The following CELSR1 variants were observed in gnomAD, a reference collection of about 807,000 sequenced individuals.
CELSR1 encodes adhesion G protein-coupled receptor C1.
Under a neutral mutation model 249.1 loss-of-function variants are expected in CELSR1, and 110 were observed. That is an observed-to-expected ratio of 0.44 (90% CI 0.38 to 0.52). The LOEUF (loss-of-function observed/expected upper bound fraction) is 0.52, where lower values mean the gene tolerates loss of function less well. Among genes scored for constraint, CELSR1 ranks in the 20% least tolerant of loss-of-function variants. The pLI is 0.00. For synonymous variants in CELSR1, 2,113 were observed against 1,900.0 expected (o/e 1.11, Z -2.92); for missense variants, 4,109 against 4,296.4 (o/e 0.96, Z 1.22).
At chr22:46,369,902 G>T in intron 25 of CELSR1, 98 bp from the exon 26 acceptor site, 1 of 982,012 alleles carries the variant, frequency 1.0e-6, no homozygotes, top group Non-Finnish European at 1.6e-6. Context: ...GGGGGACTCA[G>T]CATCTCCCTT....
rs533418052 is a variant in CELSR1 at position 46,407,069 on chromosome 22, G to C, written c.5226+1927C>G. Among the ~76,000 whole-genome samples the C allele has an allele frequency of 6.6e-6, 1 of 152,214 alleles. No individual in the cohort carries two copies. The highest frequency in any genetic ancestry group is 1.5e-5 in the Non-Finnish European group (1 of 68,028). On this transcript the variant is annotated intron_variant, in intron 9 of 34. Transcript: ENST00000674500. This position sits in a 1 kb window ranked among gnomAD's most constrained non-coding sequence, Gnocchi z 4.8. ...CCGTGTGGCCGACCCCAAGGCAGGA[G>C]AGGAGGCTAACCTAAGGGCAGCATC...
rs372733758 is a variant in CELSR1 at position 46,534,230 on chromosome 22, C to A, written c.2941G>T (p.Ala981Ser). 22 of 1,613,748 alleles carry A rather than the reference C, an allele frequency of 1.4e-5. No individual in the cohort carries two copies. In the African/African-American group the frequency reaches 2.3e-4, roughly 17 times the overall value. Residue 981 changes from alanine (A) to serine (S), a missense_variant, in exon 1 of 35, where the codon GCC becomes TCC. This residue lies in a region of CELSR1 where 886 missense variants were observed against 896.5 expected (regional missense o/e 0.99). Coordinates refer to ENST00000674500, the MANE Select transcript of CELSR1 (RefSeq NM_001378328.1). The surrounding 1 kb of genome is among the most constrained non-coding windows in gnomAD (Gnocchi z 9.7). ...ATGGTCACCTGGATTTCTACCGAGG[C>A]GCTAAGGGGAGTGGGACTGCCCCGA... is the stretch of plus-strand genomic sequence containing the variant. ...VDRGSPTPLS[A>S]SVEIQVTILD...
chr22:46,537,078 C>G lies in CELSR1; in HGVS notation c.93G>C (p.Trp31Cys), dbSNP rs2080866916. The change falls in exon 1 of 35, where the codon TGG becomes TGC. Residue 31 changes from tryptophan (W) to cysteine (C), a missense_variant. Around this residue, in one of 7 missense-constraint regions of CELSR1, gnomAD observed 673 missense variants for 636.8 expected, o/e 1.06. Coordinates refer to ENST00000674500, the MANE Select transcript of CELSR1 (RefSeq NM_001378328.1). The surrounding 1 kb of genome is among the most constrained non-coding windows in gnomAD (Gnocchi z 5.8). ...GGGTCCCGCCGGGTACGCGCGGCTC[C>G]CAGGCGGCCGCTCGCAGCCCCATCG... The part of the protein sequence containing the change: ...LPAMGLRAAA[W>C]EPRVPGGTRA... The G allele has an allele frequency of 9.5e-7, 1 of 1,052,354 alleles. No individual in the cohort carries two copies. The highest frequency in any genetic ancestry group is 4.2e-5 in the South Asian group (1 of 23,568). The allele number at this position is 1,052,354 out of a possible 1,614,324, so 65.2% of individuals were successfully genotyped here. A position where few individuals can be genotyped will look rare whatever the true frequency, so the allele number is the denominator to read the frequency against.
Position 46,440,942 on chromosome 22 carries a change from C to T in CELSR1, c.4184-1531G>A, listed in dbSNP as rs549295883. Among the ~76,000 whole-genome samples, 1 of 152,160 alleles carries T rather than the reference C, an allele frequency of 6.6e-6. No individual in the cohort carries two copies. Among genetic ancestry groups the T allele is most frequent in the Non-Finnish European group, 1.5e-5 (1 of 68,002 alleles). ...CTGAGGTGGGTGGATGTCTTGAGGC[C>T]AGGAGTTGAAGACCAGCCTGGCCAA... On this transcript the variant is annotated intron_variant, in intron 2 of 34. Coordinates refer to ENST00000674500, the MANE Select transcript of CELSR1 (RefSeq NM_001378328.1). The surrounding 1 kb of genome is among the most constrained non-coding windows in gnomAD (Gnocchi z 4.7).
chr22:46,438,408 G>A (rs1394926120), intron 3 of CELSR1, among the ~76,000 whole-genome samples: 1 of 152,164 alleles, frequency 6.6e-6, no homozygotes, highest in Non-Finnish European at 1.5e-5. Flanking sequence ...AGAGGGCCCT[G>A]CCCACAGCCC....
At chr22:46,465,152 C>G (rs2080082624) in intron 1 of CELSR1, among the ~76,000 whole-genome samples, 1 of 152,118 alleles carries the variant, frequency 6.6e-6, no homozygotes, top group African/African-American at 2.4e-5. Flanking sequence ...TCATGGGTAC[C>G]AGTGGCTCCC....
rs2079217225 is a variant in CELSR1, at chr22:46,402,225, T to TC, written c.5227-2324_5227-2323insG. Reference sequence around the variant, plus strand: ...CATTCTAGTTTCTCTTTTTCTTTTTTTTTTTTTTGAGACAGAGTTTCACTC... The same window carrying TC: ...CATTCTAGTTTCTCTTTTTCTTTTTTCTTTTTTTTGAGACAGAGTTTCACTC... On this transcript the variant is annotated intron_variant, in intron 9 of 34. Coordinates refer to ENST00000674500, the MANE Select transcript of CELSR1 (RefSeq NM_001378328.1). This position sits in a 1 kb window ranked among gnomAD's most constrained non-coding sequence, Gnocchi z 5.0. Among the ~76,000 whole-genome samples, 1 of 151,924 alleles carries TC rather than the reference T, an allele frequency of 6.6e-6. No homozygotes were observed. Among genetic ancestry groups the TC allele is most frequent in the African/African-American group, 2.4e-5 (1 of 41,396 alleles).
At chr22:46,435,426 C>A (rs1483610536) in intron 4 of CELSR1, among the ~76,000 whole-genome samples, 1 of 151,522 alleles carries the variant, frequency 6.6e-6, no homozygotes, top group African/African-American at 2.4e-5. Flanking sequence ...GGATTACAGG[C>A]AAGTGCCACC....
At position 46,437,390 on chromosome 22, in the gene CELSR1, T is replaced by C. The variant is rs2079675454; in HGVS notation, c.4407-1101A>G. Among the ~76,000 whole-genome samples, 1 of 152,214 alleles carries C rather than the reference T, an allele frequency of 6.6e-6. No homozygotes were observed. The highest frequency in any genetic ancestry group is 1.5e-5 in the Non-Finnish European group (1 of 68,042). On this transcript the variant is annotated intron_variant, in intron 3 of 34. Coordinates refer to ENST00000674500, the MANE Select transcript of CELSR1 (RefSeq NM_001378328.1). The surrounding 1 kb of genome is among the most constrained non-coding windows in gnomAD (Gnocchi z 4.9). The stretch of plus-strand genomic sequence containing the variant: ...CTCCTTTTAACCTAAGGTTGGTTTA[T>C]CCATTTTCCTGCAGCAGGAGTCGGC...
Position 46,362,941 on chromosome 22 carries a change from G to A in CELSR1, c.*282C>T. 1.7e-6 allele frequency: 1 copy of A among 584,686 alleles called. No individual in the cohort carries two copies. The highest frequency in any genetic ancestry group is 2.1e-5 in the South Asian group (1 of 47,312). The allele number at this position is 584,686 out of a possible 1,614,324, so 36.2% of individuals were successfully genotyped here. On this transcript the variant is annotated 3_prime_UTR_variant, in exon 35 of 35. Coordinates refer to ENST00000674500, the MANE Select transcript of CELSR1 (RefSeq NM_001378328.1). ...TTGACTGCAGTCTTAGGACTCAGCG[G>A]TGCTGGCCCAGTGGTCCACGCCTCC...
Position 46,407,652 on chromosome 22 carries a change from A to T in CELSR1, c.5226+1344T>A, listed in dbSNP as rs2079281220. On this transcript the variant is annotated intron_variant, in intron 9 of 34. Coordinates refer to ENST00000674500, the MANE Select transcript of CELSR1 (RefSeq NM_001378328.1). The surrounding 1 kb of genome is among the most constrained non-coding windows in gnomAD (Gnocchi z 4.8). ...TATCTCAAAAAAACAAAACAAAACA[A>T]AACAAAAAAAACCTAGGATGAAGGA... Among the ~76,000 whole-genome samples the T allele has an allele frequency of 6.6e-6, 1 of 152,000 alleles. No individual in the cohort carries two copies.
rs759272515 is a variant in CELSR1 at position 46,473,657 on chromosome 22, G to A, written c.3545-9312C>T. Among the ~76,000 whole-genome samples the A allele has an allele frequency of 5.9e-5, 9 of 152,164 alleles. No homozygotes were observed. The highest frequency in any genetic ancestry group is 1.9e-4 in the East Asian group (1 of 5,178). On this transcript the variant is annotated intron_variant, in intron 1 of 34. Transcript: ENST00000674500. This position sits in a 1 kb window ranked among gnomAD's most constrained non-coding sequence, Gnocchi z 6.6. ...CCGGCTGTGATCACATCCACAGAGC[G>A]TTGCTTGCTGTCCAGCTGGTAAGAG...
In CELSR1 at chr22:46,384,770, C is replaced by T. The variant is rs1000705684; in HGVS notation, c.6740-84G>A. On this transcript the variant is annotated intron_variant, in intron 19 of 34. Transcript: ENST00000674500. ...GTTTTCAAAATGACCACAACTGTCACACTGACGCTGGCTGGCCATATTTAT... is the reference window on the plus strand; with the variant it reads ...GTTTTCAAAATGACCACAACTGTCATACTGACGCTGGCTGGCCATATTTAT... The T allele has an allele frequency of 1.0e-5, 14 of 1,400,892 alleles. No homozygotes were observed. The African/African-American group carries it at 1.3e-4, about 13-fold the overall frequency. 86.8% of individuals were successfully genotyped at this position (1,400,892 alleles called of 1,614,324 possible).
At chr22:46,372,170 C>T (rs2078859598) in intron 25 of CELSR1, among the ~76,000 whole-genome samples, 1 of 150,632 alleles carries the variant, frequency 6.6e-6, no homozygotes, top group South Asian at 2.1e-4. Flanking sequence ...CCCACTCACT[C>T]ACCCCTCACC....
Position 46,536,550 on chromosome 22 carries a change from C to A in CELSR1, c.621G>T (p.Thr207=), listed in dbSNP as rs2080858888. 3.0e-6 allele frequency: 4 copies of A among 1,350,432 alleles called. No individual in the cohort carries two copies. Among genetic ancestry groups the A allele is most frequent in the African/African-American group, 1.6e-5 (1 of 64,422 alleles). 83.7% of individuals were successfully genotyped at this position (1,350,432 alleles called of 1,614,324 possible). ...GCGATGGGGATGGCGACGCGGAGGG[C>A]GTCCCCGCGGTGGCGGCCTCCAGCG... ...GLALEAATAG[T]PSASPSPSPP... Residue 207 remains threonine (T), a synonymous_variant, in exon 1 of 35, where the codon ACG becomes ACT. Transcript: ENST00000674500.
intron 1 of CELSR1, among the ~76,000 whole-genome samples, chr22:46,499,148 C>G (rs1000033673): frequency 1.3e-5 from 2 of 150,642 alleles, no homozygotes; most frequent in African/African-American, 4.9e-5. Context: ...CCACTGCACT[C>G]CAGCCTGGGC....
intron 2 of CELSR1, among the ~76,000 whole-genome samples, chr22:46,451,257 C>G (rs1197636663): frequency 6.6e-6 from 1 of 152,208 alleles, no homozygotes. Flanking sequence ...CCCAGACCCC[C>G]GCCCCACAAG....
intron 1 of CELSR1, among the ~76,000 whole-genome samples, chr22:46,524,475 G>A (rs1185133293): frequency 1.3e-5 from 2 of 152,146 alleles, no homozygotes; most frequent in African/African-American, 4.8e-5. Context: ...GGTGTGTCGG[G>A]CGGCTGGAAG....
intron 32 of CELSR1, 25 bp from the exon 33 acceptor site, chr22:46,364,761 C>T (rs2078748159): frequency 6.3e-7 from 1 of 1,597,924 alleles, no homozygotes. Flanking sequence ...CGGTGCTCAG[C>T]AGGCAGCGGC....
Sources: gnomAD v4.1 joint callset for allele counts (sites outside exome capture counted in the v4.1 genomes callset) on GRCh38, gnomAD v4.1.1 for gene constraint, gnomAD v4.1.1 regional missense constraint, Gnocchi (gnomAD v3.1) non-coding constraint, MANE v1.5 for transcripts, NCBI Gene and HGNC (gene_info 2026-07-23, HGNC 2026-07-21) for gene names.